Variants in ADGRD1 observed in about 807,000 individuals in gnomAD.
ADGRD1 encodes G-protein coupled receptor 133.
A neutral mutation model predicts 113.4 loss-of-function variants in ADGRD1; 77 were observed. The observed-to-expected ratio is 0.68, with a 90% CI of 0.57 to 0.82. ADGRD1 has a LOEUF of 0.82. Ranked by LOEUF, ADGRD1 falls within the 40% of genes least tolerant of loss-of-function variation. The probability of loss-of-function intolerance (pLI) is 0.00; values close to 1 mark genes in which losing one functional copy is unlikely to be tolerated. For missense variants in ADGRD1, 1,036 were observed against 1,139.1 expected (o/e 0.91, Z 1.30); for synonymous variants, 474 against 475.0 (o/e 1.00, Z 0.03).
At chr12:131,119,311 A>G (rs1433167402) in intron 19 of ADGRD1, among the ~76,000 whole-genome samples, 2 of 152,254 alleles carry the variant, frequency 1.3e-5, no homozygotes, top group Non-Finnish European at 1.5e-5. Context: ...CCTGAAGGCG[A>G]AGCATTTGTA....
intron 14 of ADGRD1, among the ~76,000 whole-genome samples, chr12:131,078,518 C>T (rs1032830839): frequency 2.0e-5 from 3 of 152,080 alleles, no homozygotes; most frequent in Non-Finnish European, 2.9e-5. Flanking sequence ...ATTCCAATTC[C>T]GGGGCACTGT....
intron 15 of ADGRD1, among the ~76,000 whole-genome samples, chr12:131,092,897 T>TA (rs71095333): frequency 6.7e-6 from 1 of 148,842 alleles, no homozygotes. Flanking sequence ...TTTTTTTTTT[T>TA]AAATAAAACA....
At chr12:131,103,131 T>A (rs748696027) in intron 15 of ADGRD1, among the ~76,000 whole-genome samples, 16 of 152,324 alleles carry the variant, frequency 1.1e-4, no homozygotes, top group Non-Finnish European at 2.1e-4. Flanking sequence ...AAATTGGAAG[T>A]TGTGCGCAGG....
At chr12:131,137,554 G>A (rs1951122180) in intron 23 of ADGRD1, 2 of 202,818 alleles carry the variant, frequency 9.9e-6, no homozygotes. Flanking sequence ...CTGAGGTTGT[G>A]GGAGCTGCCT....
chr12:130,961,930 G>A (rs567828332), intron 2 of ADGRD1, among the ~76,000 whole-genome samples: 1 of 152,368 alleles, frequency 6.6e-6, no homozygotes, highest in Non-Finnish European at 1.5e-5. Context: ...GGCATCAGGA[G>A]GCACTACTTA....
Position 131,075,131 on chromosome 12 carries a change from C to A in ADGRD1, c.1474-1670C>A, listed in dbSNP as rs1026820467. 2.6e-5 allele frequency among the ~76,000 whole-genome samples: 4 copies of A among 152,092 alleles called. No homozygotes were observed. The highest frequency in any genetic ancestry group is 9.7e-5 in the African/African-American group (4 of 41,414). ...CTGGCTGCTGGCTTCCCCAGGTCAC[C>A]GACTTATTTTTTAAATTTCCTTTAA... On this transcript the variant is annotated intron_variant, in intron 13 of 24. Coordinates refer to ENST00000261654, the MANE Select transcript of ADGRD1 (RefSeq NM_198827.5). This position sits in a 1 kb window ranked among gnomAD's most constrained non-coding sequence, Gnocchi z 5.3.
intron 13 of ADGRD1, among the ~76,000 whole-genome samples, chr12:131,049,789 G>C (rs919324477): frequency 2.0e-5 from 3 of 152,216 alleles, no homozygotes; most frequent in African/African-American, 7.2e-5. Context: ...CTGGAGCGGG[G>C]GAGAGCATGG....
At chr12:131,064,934 C>T (rs1353810618) in intron 13 of ADGRD1, among the ~76,000 whole-genome samples, 1 of 152,142 alleles carries the variant, frequency 6.6e-6, no homozygotes, top group Non-Finnish European at 1.5e-5. Context: ...ATCAAACTGC[C>T]CAGCTCTTGA....
intron 13 of ADGRD1, chr12:131,023,871 C>G (rs1383409136): frequency 6.6e-6 from 1 of 152,156 alleles, no homozygotes; most frequent in Non-Finnish European, 1.5e-5. Flanking sequence ...TATGTTGACC[C>G]TCGGGCAGTG....
chr12:131,119,918 G>A (rs1950552360), intron 19 of ADGRD1, among the ~76,000 whole-genome samples: 1 of 152,170 alleles, frequency 6.6e-6, no homozygotes, highest in Admixed American at 6.5e-5. Flanking sequence ...AGGAATGGGG[G>A]CAGGGAGGCA....
chr12:131,117,828 C>A (rs942837387), intron 18 of ADGRD1, among the ~76,000 whole-genome samples: 5 of 152,266 alleles, frequency 3.3e-5, no homozygotes, highest in African/African-American at 4.8e-5. Flanking sequence ...CCCAGCTGAT[C>A]TCACACCTTT....
At position 130,981,943 on chromosome 12, in the gene ADGRD1, GC is replaced by G; in HGVS notation, c.371del (p.Ala124GlyfsTer31). The G allele has an allele frequency of 6.2e-7, 1 of 1,613,674 alleles. No homozygotes were observed. The highest frequency in any genetic ancestry group is 8.5e-7 in the Non-Finnish European group (1 of 1,179,578). ...AGAACAGTCTAGACCAATCCCTTCTGCGTATGGGGGACAGGTCATCTCCAAT... is the reference window on the plus strand; with the variant it reads ...AGAACAGTCTAGACCAATCCCTTCTGGTATGGGGGACAGGTCATCTCCAAT... ...QGEQSRPIPS[A>X]YGGQVISNGF... On this transcript the variant is annotated frameshift_variant, in exon 5 of 25. Transcript: ENST00000261654. LOFTEE classifies it high-confidence loss of function.
At chr12:131,132,313 G>GA (rs1950953042) in intron 21 of ADGRD1, among the ~76,000 whole-genome samples, 1 of 152,180 alleles carries the variant, frequency 6.6e-6, no homozygotes, top group South Asian at 2.1e-4. Flanking sequence ...GCCCCGCCTG[G>GA]AGAAGGGGCG....
chr12:131,100,808 CTCATG>C (rs1009487000), intron 15 of ADGRD1, among the ~76,000 whole-genome samples: 21 of 152,198 alleles, frequency 1.4e-4, no homozygotes, highest in African/African-American at 4.8e-4. Flanking sequence ...GCAGCGAACT[CTCATG>C]TCAGCCCACT....
intron 15 of ADGRD1, among the ~76,000 whole-genome samples, chr12:131,104,606 TAGGGCACCTC>T (rs1474289600): frequency 1.3e-5 from 2 of 151,830 alleles, no homozygotes; most frequent in Non-Finnish European, 2.9e-5. Flanking sequence ...CAGTGTTCTG[TAGGGCACCTC>T]GGGGCACCGG....
intron 13 of ADGRD1, among the ~76,000 whole-genome samples, chr12:131,035,827 C>G (rs775744934): frequency 6.6e-6 from 1 of 152,150 alleles, no homozygotes; most frequent in South Asian, 2.1e-4. Flanking sequence ...CTTATGCACA[C>G]AGACATGAAC....
chr12:131,079,427 A>G (rs894393207), intron 14 of ADGRD1, among the ~76,000 whole-genome samples: 5 of 152,202 alleles, frequency 3.3e-5, no homozygotes, highest in African/African-American at 9.7e-5. Flanking sequence ...TTTTGTGTCT[A>G]CGTGCATGTT....
In ADGRD1 at chr12:131,097,316, C is replaced by T. The variant is rs541949355; in HGVS notation, c.1672-7515C>T. ...CACTTTCAACAAGGTCACTGTGACC[C>T]GAGGCAGGCCAGTCCCAGCATCTGT... On this transcript the variant is annotated intron_variant, in intron 15 of 24. Transcript: ENST00000261654. Among the ~76,000 whole-genome samples, 21 of 152,240 alleles carry T rather than the reference C, an allele frequency of 1.4e-4. No homozygotes were observed. In the South Asian group the frequency reaches 2.3e-3, roughly 17 times the overall value.
At position 130,990,755 on chromosome 12, in the gene ADGRD1, T is replaced by C; in HGVS notation, c.746-259T>C. 8.2e-6 allele frequency: 3 copies of C among 367,898 alleles called. No individual in the cohort carries two copies. In the South Asian group the frequency reaches 1.5e-4, roughly 18 times the overall value. The allele number at this position is 367,898 out of a possible 1,614,324, so 22.8% of individuals were successfully genotyped here. On this transcript the variant is annotated intron_variant, in intron 6 of 24. Coordinates refer to ENST00000261654, the MANE Select transcript of ADGRD1 (RefSeq NM_198827.5). The stretch of plus-strand genomic sequence containing the variant: ...CCTTGTATAAAATCATCTTTTGATA[T>C]GCTGACTTGCATGAAGGGTGTTCAA...
Sources: allele counts gnomAD v4.1 joint callset (sites outside exome capture counted in the v4.1 genomes callset), GRCh38; gene constraint gnomAD v4.1.1; non-coding constraint Gnocchi (gnomAD v3.1); transcripts MANE v1.5; gene names NCBI Gene and HGNC (gene_info 2026-07-23, HGNC 2026-07-21).